The following TNR variants were observed in gnomAD, a reference collection of about 807,000 sequenced individuals.
TNR encodes the protein tenascin R.
TNR carries 45 observed loss-of-function variants against 150.4 expected under a neutral mutation model. The ratio of observed to expected loss-of-function variants is 0.30; its 90% CI spans 0.24 to 0.38. TNR has a LOEUF of 0.38. Ranked by LOEUF, TNR falls within the 10% of genes least tolerant of loss-of-function variation. The probability of loss-of-function intolerance (pLI) is 1.00; values close to 1 mark genes in which losing one functional copy is unlikely to be tolerated. For missense variants in TNR, 1,544 were observed against 1,759.1 expected, an observed-to-expected ratio of 0.88 and a Z score of 2.19; for synonymous variants, 687 against 678.4, an observed-to-expected ratio of 1.01 and a Z score of -0.20.
In TNR at chr1:175,676,167, C is replaced by T. The variant is rs1046355450; in HGVS notation, c.-165+67059G>A. Reference sequence around the variant, plus strand: ...TGATAAGATTAGGGCAAGAAAGCTGCGATTTAACAGTTTCCAGGCACTTGA... The same window carrying T: ...TGATAAGATTAGGGCAAGAAAGCTGTGATTTAACAGTTTCCAGGCACTTGA... On this transcript the variant is annotated intron_variant, in intron 1 of 22. Transcript: ENST00000367674. Among the ~76,000 whole-genome samples the T allele has an allele frequency of 9.9e-5, 15 of 152,184 alleles. No homozygotes were observed. The East Asian group carries it at 1.9e-3, about 20-fold the overall frequency.
chr1:175,706,231 T>A (rs1330835586), intron 1 of TNR, among the ~76,000 whole-genome samples: 1 of 152,238 alleles, frequency 6.6e-6, no homozygotes. Context: ...AGGGATTTAA[T>A]TAACTTTAAA....
At chr1:175,400,758 T>C (rs55954427) in intron 4 of TNR, among the ~76,000 whole-genome samples, 1 of 152,122 alleles carries the variant, frequency 6.6e-6, no homozygotes, top group Non-Finnish European at 1.5e-5. Flanking sequence ...CCATGGGCAA[T>C]GGGAACATCG....
At chr1:175,393,502 G>A (rs10912968) in intron 6 of TNR, among the ~76,000 whole-genome samples, 56,371 of 152,006 alleles carry the variant, frequency 0.37, 10,759 homozygotes, top group East Asian at 0.52. Context: ...AGACCCCAGA[G>A]TTATCTCAGC....
At chr1:175,392,874 C>T (rs1317427354) in intron 6 of TNR, among the ~76,000 whole-genome samples, 1 of 152,150 alleles carries the variant, frequency 6.6e-6, no homozygotes, top group African/African-American at 2.4e-5. Flanking sequence ...TACCTGTGAA[C>T]TTGAAGGTCT....
At chr1:175,469,357 C>T (rs900867809) in intron 2 of TNR, among the ~76,000 whole-genome samples, 1 of 152,134 alleles carries the variant, frequency 6.6e-6, no homozygotes, top group Non-Finnish European at 1.5e-5. Flanking sequence ...CACCCACTGC[C>T]CTCACATCCA....
At chr1:175,633,442 A>G (rs891257719) in intron 1 of TNR, among the ~76,000 whole-genome samples, 2 of 152,218 alleles carry the variant, frequency 1.3e-5, no homozygotes, top group African/African-American at 4.8e-5. Flanking sequence ...AGAAGGAAAG[A>G]AATTATAGCT....
At chr1:175,562,310 C>T (rs1661462702) in intron 1 of TNR, among the ~76,000 whole-genome samples, 1 of 152,278 alleles carries the variant, frequency 6.6e-6, no homozygotes, top group African/African-American at 2.4e-5. Context: ...TCCACCCTCA[C>T]CATCATTCAA....
intron 1 of TNR, among the ~76,000 whole-genome samples, chr1:175,538,247 C>A (rs1359336778): frequency 6.6e-6 from 1 of 152,084 alleles, no homozygotes; most frequent in African/African-American, 2.4e-5. Flanking sequence ...CAGAGAGTGG[C>A]CAGCTACAGT....
At chr1:175,691,942 G>A (rs1477416822) in intron 1 of TNR, among the ~76,000 whole-genome samples, 1 of 152,132 alleles carries the variant, frequency 6.6e-6, no homozygotes, top group Non-Finnish European at 1.5e-5. Context: ...GCTTCCTTGA[G>A]AAGAATACCC....
At chr1:175,627,374 G>A (rs1180132476) in intron 1 of TNR, among the ~76,000 whole-genome samples, 1 of 152,178 alleles carries the variant, frequency 6.6e-6, no homozygotes, top group East Asian at 1.9e-4. Flanking sequence ...TGTTCTGTCT[G>A]CCTCACAGCA....
intron 1 of TNR, among the ~76,000 whole-genome samples, chr1:175,731,802 C>T (rs537305097): frequency 2.0e-4 from 31 of 152,296 alleles, no homozygotes; most frequent in African/African-American, 4.3e-4. Context: ...CAACTGTTTC[C>T]GCTCAGCATC....
chr1:175,690,592 G>T (rs539917098), intron 1 of TNR, among the ~76,000 whole-genome samples: 2 of 152,364 alleles, frequency 1.3e-5, no homozygotes, highest in East Asian at 3.9e-4. Context: ...TTGGGAGGAT[G>T]AGAGGTGGTG....
At chr1:175,404,474 T>C (rs931318479) in intron 3 of TNR, among the ~76,000 whole-genome samples, 2 of 152,292 alleles carry the variant, frequency 1.3e-5, no homozygotes, top group South Asian at 2.1e-4. Context: ...ATAACTACAG[T>C]GGTTAATTTA....
intron 1 of TNR, among the ~76,000 whole-genome samples, chr1:175,705,491 C>G (rs1232434667): frequency 6.6e-6 from 1 of 151,998 alleles, no homozygotes; most frequent in East Asian, 1.9e-4. Context: ...GGTTTATGAG[C>G]CTTTGGAAAG....
intron 17 of TNR, among the ~76,000 whole-genome samples, chr1:175,354,757 A>G (rs567641491): frequency 1.3e-5 from 2 of 152,316 alleles, no homozygotes; most frequent in African/African-American, 4.8e-5. Flanking sequence ...AAATTTAGGT[A>G]CCTGCATTAT....
intron 1 of TNR, among the ~76,000 whole-genome samples, chr1:175,628,779 G>GA (rs1664235902): frequency 6.6e-6 from 1 of 152,160 alleles, no homozygotes; most frequent in African/African-American, 2.4e-5. Flanking sequence ...CCTGGAGGGA[G>GA]ATGGAAAGAG....
chr1:175,382,806 C>T (rs1478282663), intron 8 of TNR, among the ~76,000 whole-genome samples: 1 of 151,404 alleles, frequency 6.6e-6, no homozygotes, highest in Non-Finnish European at 1.5e-5. Context: ...AGGCTTGAGG[C>T]AGGACAATCG....
chr1:175,359,240 G>A (rs1557883742), intron 15 of TNR, among the ~76,000 whole-genome samples: 2 of 139,612 alleles, frequency 1.4e-5, no homozygotes, highest in Non-Finnish European at 3.0e-5. Context: ...CCACTTCCTG[G>A]GTTCAAGTGA....
chr1:175,734,833 G>A (rs932584818), intron 1 of TNR, among the ~76,000 whole-genome samples: 1 of 152,230 alleles, frequency 6.6e-6, no homozygotes, highest in Non-Finnish European at 1.5e-5. Flanking sequence ...GCTGGCTCCA[G>A]AGCAAGGCAG....
Sources: allele counts gnomAD v4.1 joint callset (sites outside exome capture counted in the v4.1 genomes callset), GRCh38; gene constraint gnomAD v4.1.1; transcripts MANE v1.5; gene names NCBI Gene and HGNC (gene_info 2026-07-23, HGNC 2026-07-21).